Variants in TRAK1 observed in about 807,000 individuals in gnomAD.
The protein encoded by TRAK1 is trafficking kinesin-binding protein 1.
TRAK1 carries 33 observed loss-of-function variants against 92.1 expected under a neutral mutation model. That is an observed-to-expected ratio of 0.36 (90% CI 0.27 to 0.48). The LOEUF (loss-of-function observed/expected upper bound fraction) is 0.48, where lower values mean the gene tolerates loss of function less well. Ranked by LOEUF, TRAK1 falls within the 20% of genes least tolerant of loss-of-function variation. TRAK1 has a pLI of 0.99. For synonymous variants in TRAK1, 521 were observed against 517.3 expected (o/e 1.01, Z -0.10); for missense variants, 1,123 against 1,257.9 (o/e 0.89, Z 1.62).
At chr3:42,099,929 T>C (rs1394189896) in intron 1 of TRAK1, among the ~76,000 whole-genome samples, 1 of 151,986 alleles carries the variant, frequency 6.6e-6, no homozygotes. Context: ...TCAGGCTGCC[T>C]GGGATGTGTG....
intron 2 of TRAK1, chr3:42,151,421 A>T (rs1208664498): frequency 2.2e-6 from 1 of 455,914 alleles, no homozygotes; most frequent in East Asian, 7.0e-5. Context: ...GAGATGGCTC[A>T]ACTGTTCAAG....
chr3:42,082,551 C>T (rs911077885), upstream of TRAK1, among the ~76,000 whole-genome samples: 1 of 151,930 alleles, frequency 6.6e-6, no homozygotes, highest in Non-Finnish European at 1.5e-5. Context: ...GCCGAGATCG[C>T]GCCACTGCAC....
intron 2 of TRAK1, among the ~76,000 whole-genome samples, chr3:42,134,290 T>A (rs921996929): frequency 1.5e-4 from 22 of 149,562 alleles, no homozygotes; most frequent in Non-Finnish European, 2.7e-4. Flanking sequence ...TTACCTTACC[T>A]TACCTTACCT....
intron 6 of TRAK1, among the ~76,000 whole-genome samples, chr3:42,189,658 G>A (rs1705396607): frequency 6.6e-6 from 1 of 152,106 alleles, no homozygotes; most frequent in Non-Finnish European, 1.5e-5. Flanking sequence ...AGCCTCCTGA[G>A]TAGCTGGGAC....
chr3:42,208,199 T>G (rs1051590751), intron 13 of TRAK1, among the ~76,000 whole-genome samples: 1 of 152,190 alleles, frequency 6.6e-6, no homozygotes, highest in Non-Finnish European at 1.5e-5. Flanking sequence ...TCTATTTATA[T>G]TTAATAGATC....
chr3:42,132,267 A>ATTT lies in TRAK1; in HGVS notation c.286+6663_286+6665dup, dbSNP rs555637474. On this transcript the variant is annotated intron_variant, in intron 2 of 15. Coordinates refer to ENST00000327628, the MANE Select transcript of TRAK1 (RefSeq NM_001042646.3). The stretch of plus-strand genomic sequence containing the variant: ...TTGTTTTTTTTTTTTTGTTTGGTGT[A>ATTT]TTTTTTTTTTTTGAGTCAGTCTTCT... 5.1e-5 allele frequency among the ~76,000 whole-genome samples: 6 copies of ATTT among 118,246 alleles called. No homozygotes were observed. The East Asian group carries it at 1.5e-3, about 29-fold the overall frequency. The allele number at this position is 118,246 out of a possible 152,430, so 77.6% of individuals were successfully genotyped here. A position where few individuals can be genotyped will look rare whatever the true frequency, so the allele number is the denominator to read the frequency against.
chr3:42,156,719 G>A (rs900836378), intron 2 of TRAK1, among the ~76,000 whole-genome samples: 2 of 152,160 alleles, frequency 1.3e-5, no homozygotes, highest in African/African-American at 4.8e-5. Flanking sequence ...ATTAAAACTG[G>A]TGGTCTCAAA....
At position 42,224,189 on chromosome 3, in the gene TRAK1, C is replaced by T. The variant is rs189889969; in HGVS notation, c.*452C>T. On this transcript the variant is annotated 3_prime_UTR_variant, in exon 16 of 16. Transcript: ENST00000327628. ...CTGGGTGTCATCGGACACCTCACCT[C>T]GCCCACCCTGTAGGAGCGTAAGGAG... 60 of 434,534 alleles carry T rather than the reference C, an allele frequency of 1.4e-4. No homozygotes were observed. The highest frequency in any genetic ancestry group is 1.3e-4 in the Non-Finnish European group (28 of 220,056). The allele number at this position is 434,534 out of a possible 1,614,324, so 26.9% of individuals were successfully genotyped here.
At chr3:42,036,979 C>CT (rs1702350962) in intron 1 of TRAK1, among the ~76,000 whole-genome samples, 4 of 152,120 alleles carry the variant, frequency 2.6e-5, no homozygotes, top group African/African-American at 9.6e-5. Context: ...TTCTCTGCTG[C>CT]TTGAATCATC....
chr3:42,070,668 A>G (rs951021428), intron 1 of TRAK1, among the ~76,000 whole-genome samples: 1 of 152,136 alleles, frequency 6.6e-6, no homozygotes, highest in Admixed American at 6.5e-5. Context: ...GGCTCAAGCA[A>G]TCCTCCTGCC....
intron 2 of TRAK1, among the ~76,000 whole-genome samples, chr3:42,132,929 G>A (rs193192312): frequency 4.5e-4 from 68 of 152,248 alleles, no homozygotes; most frequent in Non-Finnish European, 7.2e-4. Flanking sequence ...TAAATACAAC[G>A]TGGTTTACCC....
chr3:42,192,322 C>T (rs1253576444), intron 7 of TRAK1, among the ~76,000 whole-genome samples: 1 of 152,174 alleles, frequency 6.6e-6, no homozygotes, highest in Non-Finnish European at 1.5e-5. Context: ...AGGGTTCTCA[C>T]CTTTGCAAAT....
chr3:42,016,695 A>G (rs1701539942), intron 1 of TRAK1, among the ~76,000 whole-genome samples: 1 of 152,200 alleles, frequency 6.6e-6, no homozygotes. Context: ...GTTCTGTAGC[A>G]CCATATAGCT....
chr3:42,209,627 C>T (rs1708742635), intron 13 of TRAK1, 140 bp from the exon 14 acceptor site: 2 of 789,332 alleles, frequency 2.5e-6, no homozygotes, highest in Non-Finnish European at 2.0e-6. Flanking sequence ...GAAGTTCCCG[C>T]TGCAGTCCAC....
intron 1 of TRAK1, among the ~76,000 whole-genome samples, chr3:42,015,742 TA>T (rs1559698356): frequency 6.6e-6 from 1 of 152,194 alleles, no homozygotes; most frequent in East Asian, 1.9e-4. Flanking sequence ...TCAGGTAATA[TA>T]AAAGAGCTTT....
chr3:42,171,755 G>C (rs1359709976), intron 2 of TRAK1, among the ~76,000 whole-genome samples: 1 of 152,166 alleles, frequency 6.6e-6, no homozygotes, highest in Non-Finnish European at 1.5e-5. Flanking sequence ...CCACTGGCCA[G>C]ATCTCCTTGG....
intron 2 of TRAK1, among the ~76,000 whole-genome samples, chr3:42,140,413 A>G (rs1325912369): frequency 6.6e-6 from 1 of 152,170 alleles, no homozygotes; most frequent in Non-Finnish European, 1.5e-5. Flanking sequence ...GCGGATCATG[A>G]GGTCAGGAGA....
intron 3 of TRAK1, among the ~76,000 whole-genome samples, chr3:42,178,596 G>A (rs750087082): frequency 1.3e-5 from 2 of 152,090 alleles, no homozygotes; most frequent in African/African-American, 2.4e-5. Flanking sequence ...TGTTCATCCA[G>A]CTGGATGAAC....
At chr3:42,101,576 C>G (rs983451088) in intron 1 of TRAK1, among the ~76,000 whole-genome samples, 1 of 152,128 alleles carries the variant, frequency 6.6e-6, no homozygotes, top group Non-Finnish European at 1.5e-5. Context: ...CTGTAAAGGG[C>G]CAGAGAGTAA....
Sources: gnomAD v4.1 joint callset for allele counts (sites outside exome capture counted in the v4.1 genomes callset) on GRCh38, gnomAD v4.1.1 for gene constraint, MANE v1.5 for transcripts, NCBI Gene and HGNC (gene_info 2026-07-23, HGNC 2026-07-21) for gene names.